MYO5B: variants seen among roughly 807,000 people sequenced by gnomAD.
MYO5B encodes the protein unconventional myosin-Vb.
In MYO5B, 143 loss-of-function variants were observed where a neutral mutation model predicts 229.3. The ratio of observed to expected loss-of-function variants is 0.62; its 90% CI spans 0.54 to 0.72. The LOEUF is 0.72. MYO5B is among the 30% of genes least tolerant of loss of function. The pLI, the probability that MYO5B is intolerant of heterozygous loss-of-function variation, is 0.00. For synonymous variants in MYO5B, 918 were observed against 885.2 expected, an observed-to-expected ratio of 1.04 and a Z score of -0.66; for missense variants, 2,321 against 2,331.0, an observed-to-expected ratio of 1.00 and a Z score of 0.09.
At chr18:50,086,960 T>C (rs1214746813) in intron 1 of MYO5B, among the ~76,000 whole-genome samples, 3 of 151,968 alleles carry the variant, frequency 2.0e-5, no homozygotes, top group Non-Finnish European at 4.4e-5. Flanking sequence ...TATCCCCAAA[T>C]CGGACTGACT....
At chr18:50,000,007 A>G (rs2026028460) in intron 5 of MYO5B, among the ~76,000 whole-genome samples, 1 of 152,284 alleles carries the variant, frequency 6.6e-6, no homozygotes, top group Admixed American at 6.5e-5. Flanking sequence ...TCAAAAATTC[A>G]TAGTGAACAC....
chr18:49,883,143 C>T lies in MYO5B; in HGVS notation c.3046-2688G>A, dbSNP rs543585860. Among the ~76,000 whole-genome samples, 4 of 152,330 alleles carry T rather than the reference C, an allele frequency of 2.6e-5. No individual in the cohort carries two copies. The South Asian group carries it at 8.3e-4, about 32-fold the overall frequency. The stretch of plus-strand genomic sequence containing the variant: ...AGGAAGACAAGGGTGTCTGCTCTTG[C>T]CACTTCTATTCAGCATTGTACTGAA... On this transcript the variant is annotated intron_variant, in intron 22 of 39. Transcript: ENST00000285039.
intron 17 of MYO5B, among the ~76,000 whole-genome samples, chr18:49,913,492 T>A (rs2024979860): frequency 2.0e-5 from 3 of 152,122 alleles, no homozygotes; most frequent in Admixed American, 2.0e-4. Context: ...TATCCCCACT[T>A]TCTCTGTGTC....
At chr18:50,094,044 A>T (rs1341843870) in intron 1 of MYO5B, among the ~76,000 whole-genome samples, 2 of 152,088 alleles carry the variant, frequency 1.3e-5, no homozygotes, top group Non-Finnish European at 2.9e-5. Context: ...ACTTTAATAA[A>T]CTTCCTTTCA....
At chr18:50,167,019 G>A (rs1292873263) in intron 1 of MYO5B, among the ~76,000 whole-genome samples, 1 of 152,156 alleles carries the variant, frequency 6.6e-6, no homozygotes, top group Non-Finnish European at 1.5e-5. Flanking sequence ...TCTTTAAAGA[G>A]AGACTCCCCT....
intron 18 of MYO5B, among the ~76,000 whole-genome samples, chr18:49,910,528 T>C (rs17728018): frequency 0.12 from 18,857 of 151,116 alleles, 1,453 homozygotes; most frequent in East Asian, 0.31. Flanking sequence ...CAGCTAACTA[T>C]AGCCCTTGAT....
chr18:49,943,404 G>T (rs866368621), intron 14 of MYO5B, among the ~76,000 whole-genome samples: 48 of 152,162 alleles, frequency 3.2e-4, no homozygotes, highest in African/African-American at 1.1e-3. Context: ...GCATTTCAAA[G>T]TCATAAATAT....
Position 49,880,363 on chromosome 18 carries a change from G to C in MYO5B, c.3130+8C>G, listed in dbSNP as rs2144107630. ...CCCCAAATAAAACTCAAGTGCTTTG[G>C]TACTTACCTTTAGACTGGCACAGGA... On this transcript the variant is annotated splice_region_variant and intron_variant, in intron 23 of 39. Coordinates refer to ENST00000285039, the MANE Select transcript of MYO5B (RefSeq NM_001080467.3). 6.2e-7 allele frequency: 1 copy of C among 1,611,534 alleles called. No individual in the cohort carries two copies. The highest frequency in any genetic ancestry group is 8.5e-7 in the Non-Finnish European group (1 of 1,177,664).
At chr18:50,155,399 G>A (rs1465875200) in intron 1 of MYO5B, among the ~76,000 whole-genome samples, 2 of 152,130 alleles carry the variant, frequency 1.3e-5, no homozygotes, top group Non-Finnish European at 2.9e-5. Context: ...ACTACAAATG[G>A]TATTTAACCA....
intron 1 of MYO5B, among the ~76,000 whole-genome samples, chr18:50,114,649 C>T (rs2031925553): frequency 6.6e-6 from 1 of 152,214 alleles, no homozygotes; most frequent in African/African-American, 2.4e-5. Flanking sequence ...ACACACGCTG[C>T]TCCAGACGGA....
Position 50,001,278 on chromosome 18 carries a change from G to T in MYO5B, c.589C>A (p.Leu197Met). ...ACCTCCATGATGGGACTGGATGCCA[G>T]CACCTTCTCTTCGATGTTGGTTTCA... ...ASETNIEEKV[L>M]ASSPIMEAIG... is the part of the protein sequence containing the mutation. The change falls in exon 5 of 40, where the codon CTG becomes ATG. Residue 197 changes from leucine to methionine, a missense_variant. Physicochemically the swap from Leu to Met is conservative, Grantham distance 15. This residue lies in a region of MYO5B where 2,113 missense variants were observed against 2,044.7 expected (regional missense o/e 1.03). Coordinates refer to ENST00000285039, the MANE Select transcript of MYO5B (RefSeq NM_001080467.3). 6.2e-7 allele frequency: 1 copy of T among 1,614,200 alleles called. No homozygotes were observed. The highest frequency in any genetic ancestry group is 8.5e-7 in the Non-Finnish European group (1 of 1,180,012).
intron 1 of MYO5B, among the ~76,000 whole-genome samples, chr18:50,129,855 CTTTGT>C (rs771030662): frequency 3.7e-4 from 56 of 152,280 alleles, no homozygotes; most frequent in Non-Finnish European, 7.5e-4. Context: ...AGAAGAGGGG[CTTTGT>C]TTTGTCTCCT....
intron 5 of MYO5B, 139 bp downstream of exon 5, chr18:50,001,116 T>G: frequency 9.2e-7 from 1 of 1,082,948 alleles, no homozygotes; most frequent in Non-Finnish European, 1.4e-6. Context: ...AGAGGCAGCT[T>G]GGTAACTTTT....
rs887955222 is a variant in MYO5B, at chr18:50,079,790, C to A, written c.28-24412G>T. ...AGGGCAAAGCATCTGCTATGTAACC[C>A]CTGGGCAACAGCCCAGCTGGGCCGT... On this transcript the variant is annotated intron_variant, in intron 1 of 39. Transcript: ENST00000285039. Among the ~76,000 whole-genome samples the A allele has an allele frequency of 7.6e-4, 116 of 151,916 alleles. 1 individual carries two copies. The highest frequency in any genetic ancestry group is 7.4e-3 in the Admixed American group (113 of 15,258).
At chr18:50,012,002 G>C (rs548616330) in intron 4 of MYO5B, among the ~76,000 whole-genome samples, 48 of 152,222 alleles carry the variant, frequency 3.2e-4, no homozygotes, top group African/African-American at 1.1e-3. Flanking sequence ...AGGCAACGCT[G>C]ACTGCAGAAC....
intron 1 of MYO5B, among the ~76,000 whole-genome samples, chr18:50,130,673 A>T (rs1299486717): frequency 6.6e-6 from 1 of 152,204 alleles, no homozygotes; most frequent in Non-Finnish European, 1.5e-5. Flanking sequence ...GAATTCTAAG[A>T]ACACCGGTGA....
intron 21 of MYO5B, among the ~76,000 whole-genome samples, chr18:49,902,309 AC>A (rs1397665096): frequency 6.6e-6 from 1 of 152,096 alleles, no homozygotes; most frequent in African/African-American, 2.4e-5. Context: ...TATCAAGCTC[AC>A]CTGGCTCACC....
chr18:50,055,758 A>T (rs1021476974), intron 1 of MYO5B, among the ~76,000 whole-genome samples: 45 of 152,092 alleles, frequency 3.0e-4, no homozygotes, highest in African/African-American at 1.1e-3. Context: ...ACACAGGGAA[A>T]AGCCAAGACA....
chr18:50,194,386 G>C (rs922782616), intron 1 of MYO5B, among the ~76,000 whole-genome samples: 1 of 152,144 alleles, frequency 6.6e-6, no homozygotes, highest in African/African-American at 2.4e-5. Context: ...GGAGCACCGC[G>C]GGGGCCCGTC....
Sources: gnomAD v4.1 joint callset for allele counts (sites outside exome capture counted in the v4.1 genomes callset) on GRCh38, gnomAD v4.1.1 for gene constraint, gnomAD v4.1.1 regional missense constraint, MANE v1.5 for transcripts, NCBI Gene and HGNC (gene_info 2026-07-23, HGNC 2026-07-21) for gene names.